Variants in CLIP2 observed in about 807,000 individuals in gnomAD.
CLIP2 encodes CAP-Gly domain-containing linker protein 2.
In CLIP2, 41 loss-of-function variants were observed where a neutral mutation model predicts 111.7. The ratio of observed to expected loss-of-function variants is 0.37; its 90% CI spans 0.29 to 0.48. The LOEUF (loss-of-function observed/expected upper bound fraction) is 0.48. CLIP2 is among the 20% of genes least tolerant of loss of function. The pLI, the probability that CLIP2 is intolerant of heterozygous loss-of-function variation, is 0.99. For synonymous variants in CLIP2, 660 were observed against 644.2 expected (o/e 1.02, Z -0.37); for missense variants, 1,160 against 1,422.1 (o/e 0.82, Z 2.96).
chr7:74,322,787 G>A (rs1788999570), intron 2 of CLIP2, among the ~76,000 whole-genome samples: 1 of 152,108 alleles, frequency 6.6e-6, no homozygotes, highest in Non-Finnish European at 1.5e-5. Context: ...CTCAAGTGCA[G>A]TGGCGCGATC....
At chr7:74,373,621 G>A (rs1462930049) in intron 9 of CLIP2, among the ~76,000 whole-genome samples, 1 of 152,200 alleles carries the variant, frequency 6.6e-6, no homozygotes, top group Non-Finnish European at 1.5e-5. Flanking sequence ...TGCCCCAGCA[G>A]CTGAGAACGT....
chr7:74,306,142 G>A (rs1788481652), intron 1 of CLIP2, among the ~76,000 whole-genome samples: 1 of 152,156 alleles, frequency 6.6e-6, no homozygotes, highest in African/African-American at 2.4e-5. Flanking sequence ...CCCCGCAGGT[G>A]CTGCCTGCCC....
intron 3 of CLIP2, among the ~76,000 whole-genome samples, chr7:74,341,986 G>A (rs1306923521): frequency 2.6e-5 from 4 of 152,166 alleles, no homozygotes; most frequent in South Asian, 2.1e-4. Flanking sequence ...TGGTTCCCCC[G>A]AGGGCAGAAC....
chr7:74,355,814 G>A (rs1489144831), intron 4 of CLIP2, among the ~76,000 whole-genome samples: 6 of 152,208 alleles, frequency 3.9e-5, no homozygotes, highest in African/African-American at 1.4e-4. Context: ...CCCACCCCAA[G>A]GTTTCTCTTT....
intron 2 of CLIP2, among the ~76,000 whole-genome samples, chr7:74,324,279 C>G (rs1411447107): frequency 6.6e-6 from 1 of 152,132 alleles, no homozygotes; most frequent in Admixed American, 6.6e-5. Context: ...GGTGTGAGCC[C>G]CCGTTCCTGG....
At chr7:74,298,498 C>T (rs1421754203) in intron 1 of CLIP2, among the ~76,000 whole-genome samples, 1 of 151,716 alleles carries the variant, frequency 6.6e-6, no homozygotes, top group Non-Finnish European at 1.5e-5. Flanking sequence ...GCCACCACAC[C>T]TGGCCCCTGT....
intron 12 of CLIP2, among the ~76,000 whole-genome samples, chr7:74,388,166 C>T (rs1174042639): frequency 1.3e-5 from 2 of 152,058 alleles, no homozygotes; most frequent in African/African-American, 4.8e-5. Context: ...CCCGTCTCTA[C>T]TAAAAATACA....
intron 1 of CLIP2, among the ~76,000 whole-genome samples, chr7:74,300,397 G>A (rs1326112621): frequency 1.3e-5 from 2 of 151,754 alleles, no homozygotes; most frequent in Non-Finnish European, 2.9e-5. Context: ...TTGATTTTCC[G>A]AGTTGTTTTC....
Position 74,292,512 on chromosome 7 carries a change from G to A in CLIP2, c.-68+2778G>A, listed in dbSNP as rs1219789096. ...AGTGATTCTCCTGCCTCAGCTTCTC[G>A]AATAGCTGGGACTACAGGCCCATGC... On this transcript the variant is annotated intron_variant, in intron 1 of 16. Transcript: ENST00000223398. 2.0e-5 allele frequency among the ~76,000 whole-genome samples: 3 copies of A among 152,064 alleles called. No individual in the cohort carries two copies. The East Asian group carries it at 5.8e-4, about 29-fold the overall frequency.
chr7:74,339,168 A>G (rs1554732879), intron 3 of CLIP2, among the ~76,000 whole-genome samples, 164 bp downstream of exon 3: 1 of 152,122 alleles, frequency 6.6e-6, no homozygotes, highest in East Asian at 1.9e-4. Flanking sequence ...GACCATACAG[A>G]GTGACAAGAG....
At chr7:74,315,396 CT>C (rs1554729008) in intron 1 of CLIP2, among the ~76,000 whole-genome samples, 1 of 151,698 alleles carries the variant, frequency 6.6e-6, no homozygotes, top group Non-Finnish European at 1.5e-5. Context: ...GCTTTTAGCC[CT>C]TTTAAAAATA....
rs78067654 is a variant in CLIP2, at chr7:74,376,477, C to G, written c.2076C>G (p.Ala692=). 1,963 of 1,613,004 alleles carry G rather than the reference C, an allele frequency of 1.2e-3. 28 individuals are homozygous for G. In the African/African-American group the frequency reaches 0.023, roughly 19 times the overall value. The change falls in exon 10 of 17, where the codon GCC becomes GCG. Residue 692 remains alanine (A), a synonymous_variant. Coordinates refer to ENST00000223398, the MANE Select transcript of CLIP2 (RefSeq NM_003388.5). This position sits in a 1 kb window ranked among gnomAD's most constrained non-coding sequence, Gnocchi z 7.1. ...CCCTGCGAGAGAAGCTGCAGGAGGC[C>G]CAGGAGGAGCTGGCTGGGCTGCAGC... is the stretch of plus-strand genomic sequence containing the variant. The part of the protein sequence containing the change: ...KEALREKLQE[A]QEELAGLQRH...
intron 3 of CLIP2, among the ~76,000 whole-genome samples, chr7:74,340,740 G>A (rs3857666): frequency 6.6e-6 from 1 of 152,168 alleles, no homozygotes; most frequent in South Asian, 2.1e-4. Flanking sequence ...ACAGTGTTGG[G>A]AAGAGACTCA....
At chr7:74,333,776 C>T (rs1378113193) in intron 2 of CLIP2, among the ~76,000 whole-genome samples, 1 of 152,190 alleles carries the variant, frequency 6.6e-6, no homozygotes, top group Non-Finnish European at 1.5e-5. Context: ...AGCCATGGTG[C>T]CCAGCCTCAT....
At chr7:74,368,433 C>T (rs1403940712) in intron 8 of CLIP2, among the ~76,000 whole-genome samples, 1 of 151,986 alleles carries the variant, frequency 6.6e-6, no homozygotes, top group Non-Finnish European at 1.5e-5. Context: ...AGGAGAATCG[C>T]TTGAACCTGG....
chr7:74,390,436 G>T (rs976618600), intron 13 of CLIP2, among the ~76,000 whole-genome samples: 1 of 152,134 alleles, frequency 6.6e-6, no homozygotes, highest in Middle Eastern at 3.2e-3. Context: ...TTAGAAGGCT[G>T]AGGCAGGAGG....
At chr7:74,400,338 C>T in intron 14 of CLIP2, 32 bp from the exon 15 acceptor site, 1 of 1,571,226 alleles carries the variant, frequency 6.4e-7, no homozygotes, top group Non-Finnish European at 8.7e-7. Flanking sequence ...CACGCACACT[C>T]ATGTACTCTT....
chr7:74,289,466 C>T lies in CLIP2; in HGVS notation c.-336C>T, dbSNP rs1787945156. On this transcript the variant is annotated 5_prime_UTR_variant, in exon 1 of 17. Coordinates refer to ENST00000223398, the MANE Select transcript of CLIP2 (RefSeq NM_003388.5). ...CCGCTGGCTCCGCTGGCTCCGCGGG[C>T]GCTCAGCTCGGCTCGGCCGCGGGGC... The T allele has an allele frequency of 6.6e-6, 1 of 150,866 alleles. No individual in the cohort carries two copies. The highest frequency in any genetic ancestry group is 1.5e-5 in the Non-Finnish European group (1 of 67,578). 9.3% of individuals were successfully genotyped at this position (150,866 alleles called of 1,614,324 possible).
Position 74,396,078 on chromosome 7 carries a change from C to T in CLIP2, c.2721-996C>T, listed in dbSNP as rs192239493. ...TGTAGTAGTTGCAGGCAAGGGAAAA[C>T]GCTAGGGCATAGGGGTGCATGTGCT... is the stretch of plus-strand genomic sequence containing the variant. On this transcript the variant is annotated intron_variant, in intron 13 of 16. Transcript: ENST00000223398. Among the ~76,000 whole-genome samples, 539 of 152,276 alleles carry T rather than the reference C, an allele frequency of 3.5e-3. 3 individuals are homozygous for T. The highest frequency in any genetic ancestry group is 0.01 in the Middle Eastern group (3 of 294).
Sources: gnomAD v4.1 joint callset for allele counts (sites outside exome capture counted in the v4.1 genomes callset) on GRCh38, gnomAD v4.1.1 for gene constraint, Gnocchi (gnomAD v3.1) non-coding constraint, MANE v1.5 for transcripts, NCBI Gene and HGNC (gene_info 2026-07-23, HGNC 2026-07-21) for gene names.